Variants in DAPK1 observed in about 807,000 individuals in gnomAD.
DAPK1 encodes the protein death associated protein kinase 1.
Under a neutral mutation model 144.9 loss-of-function variants are expected in DAPK1, and 56 were observed. The ratio of observed to expected loss-of-function variants is 0.39; its 90% CI spans 0.31 to 0.48. The LOEUF (loss-of-function observed/expected upper bound fraction) is 0.48. Among genes scored for constraint, DAPK1 ranks in the 20% least tolerant of loss-of-function variants. The pLI, the probability that DAPK1 is intolerant of heterozygous loss-of-function variation, is 0.95. For synonymous variants in DAPK1, 690 were observed against 749.0 expected (o/e 0.92, Z 1.29); for missense variants, 1,454 against 1,875.4 (o/e 0.78, Z 4.15).
chr9:87,705,140 C>A (rs1825593133), intron 25 of DAPK1, among the ~76,000 whole-genome samples: 1 of 150,370 alleles, frequency 6.7e-6, no homozygotes, highest in African/African-American at 2.5e-5. Context: ...TGTTCTGACT[C>A]TTTTTTGAAA....
At chr9:87,512,894 A>C (rs1587673806) in intron 2 of DAPK1, among the ~76,000 whole-genome samples, 1 of 151,382 alleles carries the variant, frequency 6.6e-6, no homozygotes, top group African/African-American at 2.4e-5. Flanking sequence ...TGATCCACCC[A>C]CCTCAGCCTC....
intron 2 of DAPK1, among the ~76,000 whole-genome samples, chr9:87,556,254 A>G (rs1826709136): frequency 1.3e-5 from 2 of 152,158 alleles, no homozygotes; most frequent in African/African-American, 4.8e-5. Context: ...TTTAATCTTC[A>G]CAACAGCGCT....
At chr9:87,692,197 A>G (rs1354496443) in intron 21 of DAPK1, among the ~76,000 whole-genome samples, 1 of 151,408 alleles carries the variant, frequency 6.6e-6, no homozygotes, top group Non-Finnish European at 1.5e-5. Context: ...GAACTGTTAT[A>G]TCTTCTTGCT....
chr9:87,504,394 G>A (rs889540743), intron 2 of DAPK1, among the ~76,000 whole-genome samples: 2 of 152,166 alleles, frequency 1.3e-5, no homozygotes, highest in African/African-American at 2.4e-5. Context: ...TTGCTTGCTG[G>A]CACTGGGAGT....
chr9:87,554,795 G>A (rs545997001), intron 2 of DAPK1, among the ~76,000 whole-genome samples: 2 of 152,214 alleles, frequency 1.3e-5, no homozygotes, highest in Admixed American at 1.3e-4. Flanking sequence ...CACCCAGGCC[G>A]TGTAGCCATT....
At chr9:87,639,238 C>T (rs1587798174) in intron 4 of DAPK1, 116 bp from the exon 5 acceptor site, 2 of 959,474 alleles carry the variant, frequency 2.1e-6, no homozygotes, top group East Asian at 2.5e-5. Flanking sequence ...TTCCAACCAC[C>T]CTTTCTTCCC....
intron 2 of DAPK1, among the ~76,000 whole-genome samples, chr9:87,583,095 T>C (rs1189036128): frequency 6.6e-6 from 1 of 152,138 alleles, no homozygotes; most frequent in African/African-American, 2.4e-5. Context: ...CTTTCTGTTA[T>C]TAATAGAATG....
chr9:87,582,249 G>C (rs941129925), intron 2 of DAPK1, among the ~76,000 whole-genome samples: 2 of 152,116 alleles, frequency 1.3e-5, no homozygotes, highest in African/African-American at 4.8e-5. Flanking sequence ...AGTGGTGAAA[G>C]CAAAGTGGAG....
intron 4 of DAPK1, among the ~76,000 whole-genome samples, chr9:87,638,992 G>C (rs946039775): frequency 5.9e-5 from 9 of 152,270 alleles, no homozygotes; most frequent in African/African-American, 2.2e-4. Flanking sequence ...AAAGACCCCA[G>C]CTCCCTCCTG....
chr9:87,661,359 C>G (rs1052896901), intron 18 of DAPK1, among the ~76,000 whole-genome samples: 4 of 152,160 alleles, frequency 2.6e-5, no homozygotes, highest in Admixed American at 6.5e-5. Context: ...AATGGGAGTT[C>G]TATTTTTAGT....
chr9:87,545,371 A>G (rs1826206459), intron 2 of DAPK1, among the ~76,000 whole-genome samples: 2 of 152,200 alleles, frequency 1.3e-5, no homozygotes, highest in Admixed American at 1.3e-4. Context: ...TTTAATTAAA[A>G]TACACATAAT....
At chr9:87,536,724 T>C (rs1010077132) in intron 2 of DAPK1, among the ~76,000 whole-genome samples, 1 of 152,232 alleles carries the variant, frequency 6.6e-6, no homozygotes, top group Admixed American at 6.5e-5. Context: ...TATTTATAGC[T>C]ACTTTTCCTA....
chr9:87,682,841 A>G (rs73652197), intron 20 of DAPK1, among the ~76,000 whole-genome samples: 11,386 of 152,190 alleles, frequency 0.075, 1,447 homozygotes, highest in African/African-American at 0.26. Context: ...TGAGGCGCAC[A>G]GGTGGCAAAT....
chr9:87,555,066 G>C (rs1363717109), intron 2 of DAPK1, among the ~76,000 whole-genome samples: 1 of 152,224 alleles, frequency 6.6e-6, no homozygotes, highest in Non-Finnish European at 1.5e-5. Flanking sequence ...GGGGAAAGCT[G>C]TGTGGGTGTG....
chr9:87,597,053 C>T (rs111985059), intron 2 of DAPK1, among the ~76,000 whole-genome samples: 3 of 152,090 alleles, frequency 2.0e-5, no homozygotes, highest in African/African-American at 7.2e-5. Flanking sequence ...CAACTGCATG[C>T]GACCTCTCTA....
At chr9:87,560,901 G>A (rs10122408) in intron 2 of DAPK1, among the ~76,000 whole-genome samples, 7,562 of 151,860 alleles carry the variant, frequency 0.05, 582 homozygotes, top group African/African-American at 0.17. Context: ...CCTGACCTCA[G>A]GTGATCCACC....
At chr9:87,694,822 C>T (rs1587850866) in intron 21 of DAPK1, among the ~76,000 whole-genome samples, 1 of 152,110 alleles carries the variant, frequency 6.6e-6, no homozygotes, top group East Asian at 1.9e-4. Context: ...ATGCAGTCTA[C>T]GGGTGTTTGG....
intron 12 of DAPK1, among the ~76,000 whole-genome samples, 200 bp downstream of exon 12, chr9:87,646,214 G>A (rs36212721): frequency 4.6e-5 from 7 of 152,144 alleles, no homozygotes; most frequent in African/African-American, 1.4e-4. Context: ...CTTCATTCAC[G>A]TATTGTATCT....
chr9:87,635,393 T>C (rs35382754), intron 3 of DAPK1, among the ~76,000 whole-genome samples: 14,485 of 151,990 alleles, frequency 0.095, 867 homozygotes, highest in East Asian at 0.29. Context: ...ACAAGCAGAA[T>C]GCGAGTGAGG....
Sources: allele counts gnomAD v4.1 joint callset (sites outside exome capture counted in the v4.1 genomes callset), GRCh38; gene constraint gnomAD v4.1.1; transcripts MANE v1.5; gene names NCBI Gene and HGNC (gene_info 2026-07-23, HGNC 2026-07-21).